BTRC: variants seen among roughly 807,000 people sequenced by gnomAD.
The protein encoded by BTRC is F-box/WD repeat-containing protein 1A.
BTRC carries 42 observed loss-of-function variants against 85.5 expected under a neutral mutation model. That is an observed-to-expected ratio of 0.49 (90% confidence interval 0.38 to 0.64). The LOEUF is 0.64. Among genes scored for constraint, BTRC ranks in the 30% least tolerant of loss-of-function variants. The pLI, the probability that BTRC is intolerant of heterozygous loss-of-function variation, is 0.00. For missense variants in BTRC, 594 were observed against 743.5 expected (o/e 0.80, Z 2.34); for synonymous variants, 255 against 263.3 (o/e 0.97, Z 0.30).
At position 101,366,908 on chromosome 10, in the gene BTRC, TAATATATATTTATATATATTTATATA is replaced by T. The variant is rs1942431440; in HGVS notation, c.48+12681_48+12706del. Among the ~76,000 whole-genome samples the T allele has an allele frequency of 1.6e-4, 3 of 18,876 alleles. No homozygotes were observed. The South Asian group carries it at 4.5e-3, about 28-fold the overall frequency. 12.4% of individuals were successfully genotyped at this position (18,876 alleles called of 152,430 possible). A position where few individuals can be genotyped will look rare whatever the true frequency, so the allele number is the denominator to read the frequency against. On this transcript the variant is annotated intron_variant, in intron 1 of 14. Transcript: ENST00000370187. ...TATATTTATATATATTTATATATAT[TAATATATATTTATATATATTTATATA>T]TATTTATATATATTTATATATATAT... is the stretch of plus-strand genomic sequence containing the variant.
chr10:101,397,725 A>G (rs1426143294), intron 1 of BTRC, among the ~76,000 whole-genome samples: 4 of 152,018 alleles, frequency 2.6e-5, no homozygotes, highest in Non-Finnish European at 4.4e-5. Flanking sequence ...TTTTTTTCAT[A>G]CCCTGTTACT....
chr10:101,460,616 G>A (rs1338670838), intron 2 of BTRC, among the ~76,000 whole-genome samples: 1 of 152,192 alleles, frequency 6.6e-6, no homozygotes, highest in East Asian at 1.9e-4. Flanking sequence ...TACTAAAGGT[G>A]ACACACAGGT....
chr10:101,550,445 G>A (rs1048234663), intron 13 of BTRC, among the ~76,000 whole-genome samples: 2 of 151,706 alleles, frequency 1.3e-5, no homozygotes, highest in African/African-American at 2.4e-5. Flanking sequence ...CCACCAGCCC[G>A]GCTAACTTTT....
intron 1 of BTRC, among the ~76,000 whole-genome samples, chr10:101,366,664 G>C (rs1942383718): frequency 6.8e-6 from 1 of 147,546 alleles, no homozygotes; most frequent in Non-Finnish European, 1.5e-5. Flanking sequence ...ATCAGAAGTT[G>C]GGCAGGTGCA....
In BTRC at chr10:101,553,381, G is replaced by A. The variant is rs898575623; in HGVS notation, c.*258G>A. 6.6e-6 allele frequency: 1 copy of A among 152,616 alleles called. No homozygotes were observed. Among genetic ancestry groups the A allele is most frequent in the Non-Finnish European group, 1.5e-5 (1 of 68,056 alleles). 9.5% of individuals were successfully genotyped at this position (152,616 alleles called of 1,614,324 possible). On this transcript the variant is annotated 3_prime_UTR_variant, in exon 15 of 15. Coordinates refer to ENST00000370187, the MANE Select transcript of BTRC (RefSeq NM_033637.4). ...GTCTTCTATCTTTTGTGAATGATTGGAACTTTTAAACCTCCCCTCCTCTCC... is the reference window on the plus strand; with the variant it reads ...GTCTTCTATCTTTTGTGAATGATTGAAACTTTTAAACCTCCCCTCCTCTCC...
chr10:101,437,886 T>C (rs1944573351), intron 2 of BTRC, among the ~76,000 whole-genome samples: 1 of 152,204 alleles, frequency 6.6e-6, no homozygotes, highest in African/African-American at 2.4e-5. Flanking sequence ...TTACCCACTC[T>C]CTGCCTTTGT....
At chr10:101,502,608 A>G (rs1255092203) in intron 4 of BTRC, among the ~76,000 whole-genome samples, 1 of 152,168 alleles carries the variant, frequency 6.6e-6, no homozygotes, top group East Asian at 1.9e-4. Context: ...TTGAGTGCCT[A>G]TGGACAAAGC....
In BTRC at chr10:101,519,074, CT is replaced by C. The variant is rs35213665; in HGVS notation, c.325-2544del. Among the ~76,000 whole-genome samples, 380 of 104,946 alleles carry C rather than the reference CT, an allele frequency of 3.6e-3. 2 individuals are homozygous for C. Among genetic ancestry groups the C allele is most frequent in the Middle Eastern group, 6.4e-3 (1 of 156 alleles). The allele number at this position is 104,946 out of a possible 152,430, so 68.8% of individuals were successfully genotyped here. A position where few individuals can be genotyped will look rare whatever the true frequency, so the allele number is the denominator to read the frequency against. On this transcript the variant is annotated intron_variant, in intron 4 of 14. Coordinates refer to ENST00000370187, the MANE Select transcript of BTRC (RefSeq NM_033637.4). ...CTCAGAGGGAAAATCCTCTTCTCAG[CT>C]TTTTTTTTTTTTTTTTTTTTGAGAT...
chr10:101,467,458 C>T (rs764903643), intron 3 of BTRC, among the ~76,000 whole-genome samples: 1 of 151,886 alleles, frequency 6.6e-6, no homozygotes, highest in Non-Finnish European at 1.5e-5. Context: ...TCCCTATCTG[C>T]CGTTGCTTTG....
chr10:101,363,552 G>T (rs764538656), intron 1 of BTRC, among the ~76,000 whole-genome samples: 5 of 151,872 alleles, frequency 3.3e-5, no homozygotes, highest in Middle Eastern at 3.2e-3. Context: ...TCCACCTCCC[G>T]GGTTCAAGTG....
chr10:101,364,173 A>G (rs1292658985), intron 1 of BTRC, among the ~76,000 whole-genome samples: 1 of 152,094 alleles, frequency 6.6e-6, no homozygotes, highest in African/African-American at 2.4e-5. Flanking sequence ...TCTGCTCTCT[A>G]TTGTTGACAC....
chr10:101,381,391 C>G (rs1942924733), intron 1 of BTRC, among the ~76,000 whole-genome samples: 5 of 152,168 alleles, frequency 3.3e-5, no homozygotes, highest in Admixed American at 1.3e-4. Context: ...TTGTGCTATA[C>G]TAACCATGTT....
chr10:101,551,863 C>T (rs575300623), intron 14 of BTRC, among the ~76,000 whole-genome samples: 4 of 152,262 alleles, frequency 2.6e-5, no homozygotes, highest in South Asian at 2.1e-4. Context: ...TGATGAGTAA[C>T]GTGAGGGGCA....
intron 1 of BTRC, among the ~76,000 whole-genome samples, chr10:101,364,436 T>C (rs1471702758): frequency 1.3e-5 from 2 of 152,224 alleles, no homozygotes; most frequent in African/African-American, 4.8e-5. Context: ...GAATTTGAAC[T>C]GTAACAGAGT....
In BTRC at chr10:101,555,892, C is replaced by T. The variant is rs1020806243; in HGVS notation, c.*2769C>T. Reference sequence around the variant, plus strand: ...TCAAAGGCAGATGAGGAGGTACAGACACGTGACCTTTTGGTGCACACTGGA... The same window carrying T: ...TCAAAGGCAGATGAGGAGGTACAGATACGTGACCTTTTGGTGCACACTGGA... On this transcript the variant is annotated 3_prime_UTR_variant, in exon 15 of 15. Transcript: ENST00000370187. The T allele has an allele frequency of 7.9e-5, 12 of 152,200 alleles. No homozygotes were observed. The highest frequency in any genetic ancestry group is 2.7e-4 in the African/African-American group (11 of 41,462). 9.4% of individuals were successfully genotyped at this position (152,200 alleles called of 1,614,324 possible).
chr10:101,490,333 TAAA>T (rs1946097577), intron 4 of BTRC, among the ~76,000 whole-genome samples: 1 of 152,074 alleles, frequency 6.6e-6, no homozygotes. Flanking sequence ...GAGAATACAT[TAAA>T]ATGTATTCAG....
At chr10:101,439,963 T>C (rs954625140) in intron 2 of BTRC, among the ~76,000 whole-genome samples, 13 of 152,248 alleles carry the variant, frequency 8.5e-5, no homozygotes, top group African/African-American at 2.7e-4. Flanking sequence ...TTTTATTTAT[T>C]GCTCTTATTA....
intron 3 of BTRC, among the ~76,000 whole-genome samples, chr10:101,464,373 C>T (rs1945313434): frequency 6.6e-6 from 1 of 152,152 alleles, no homozygotes; most frequent in South Asian, 2.1e-4. Flanking sequence ...TGGGACTAAT[C>T]TGATTCATTT....
intron 4 of BTRC, among the ~76,000 whole-genome samples, chr10:101,502,860 G>A (rs1383220198): frequency 6.6e-6 from 1 of 152,290 alleles, no homozygotes; most frequent in East Asian, 1.9e-4. Context: ...AAGCAAAGAA[G>A]AGTATATTTA....
Sources: gnomAD v4.1 joint callset for allele counts (sites outside exome capture counted in the v4.1 genomes callset) on GRCh38, gnomAD v4.1.1 for gene constraint, MANE v1.5 for transcripts, NCBI Gene and HGNC (gene_info 2026-07-23, HGNC 2026-07-21) for gene names.